Variants in SCN3A observed in about 807,000 individuals in gnomAD.
SCN3A encodes the protein sodium voltage-gated channel alpha subunit 3, also known as sodium channel protein type 3 subunit alpha.
Under a neutral mutation model 187.6 loss-of-function variants are expected in SCN3A, and 60 were observed. The observed-to-expected ratio is 0.32, with a 90% CI of 0.26 to 0.40. The LOEUF (loss-of-function observed/expected upper bound fraction) is 0.40. Ranked by LOEUF, SCN3A falls within the 10% of genes least tolerant of loss-of-function variation. The pLI, the probability that SCN3A is intolerant of heterozygous loss-of-function variation, is 1.00. For missense variants in SCN3A, 1,601 were observed against 2,428.2 expected, an observed-to-expected ratio of 0.66 and a Z score of 7.16; for synonymous variants, 788 against 829.2, an observed-to-expected ratio of 0.95 and a Z score of 0.85.
intron 3 of SCN3A, among the ~76,000 whole-genome samples, chr2:165,175,688 G>A (rs776067639): frequency 6.6e-6 from 1 of 152,014 alleles, no homozygotes; most frequent in African/African-American, 2.4e-5. Flanking sequence ...ATGCTAAGCA[G>A]ATTATTTATT....
At chr2:165,156,939 C>T (rs189377220) in intron 9 of SCN3A, among the ~76,000 whole-genome samples, 107 of 151,878 alleles carry the variant, frequency 7.0e-4, no homozygotes, top group African/African-American at 2.4e-3. Context: ...GAGATGTAGT[C>T]TCGTTCTGTC....
rs773151991 is a variant in SCN3A at position 165,162,678 on chromosome 2, G to C, written c.845C>G (p.Pro282Arg). 7 of 1,614,138 alleles carry C rather than the reference G, an allele frequency of 4.3e-6. No individual in the cohort carries two copies. The highest frequency in any genetic ancestry group is 5.9e-6 in the Non-Finnish European group (7 of 1,180,004). The change falls in exon 8 of 28, where the codon CCA becomes CGA. Residue 282 changes from proline to arginine, a missense_variant. Pro to Arg is a moderately radical substitution (Grantham distance 103). Around this residue, in one of 11 missense-constraint regions of SCN3A, gnomAD observed 104 missense variants for 102.7 expected, o/e 1.01. Coordinates refer to ENST00000283254, the MANE Select transcript of SCN3A (RefSeq NM_006922.4). ...NLRNKCLQWP[P>R]SDSAFETNTT... ...GTTGGTTTCAAAAGCAGAATCGCTT[G>C]GGGGCCACTGCAAACATTTATTCCT...
At position 165,185,916 on chromosome 2, in the gene SCN3A, T is replaced by C. The variant is rs901708430; in HGVS notation, c.-51+635A>G. Among the ~76,000 whole-genome samples the C allele has an allele frequency of 3.9e-5, 6 of 152,040 alleles. No homozygotes were observed. The East Asian group carries it at 1.2e-3, about 29-fold the overall frequency. Reference sequence around the variant, plus strand: ...TAAATATAATAAAATTTAAAGTAAATACAGTCCAGGGTAATTTACTAAATA... The same window carrying C: ...TAAATATAATAAAATTTAAAGTAAACACAGTCCAGGGTAATTTACTAAATA... On this transcript the variant is annotated intron_variant, in intron 2 of 27. Coordinates refer to ENST00000283254, the MANE Select transcript of SCN3A (RefSeq NM_006922.4).
At chr2:165,182,781 C>T (rs1454518864) in intron 2 of SCN3A, among the ~76,000 whole-genome samples, 1 of 152,016 alleles carries the variant, frequency 6.6e-6, no homozygotes, top group Non-Finnish European at 1.5e-5. Flanking sequence ...ATCTGAGACT[C>T]AGAAAGCTGT....
intron 15 of SCN3A, among the ~76,000 whole-genome samples, chr2:165,133,480 G>A (rs535636245): frequency 1.3e-4 from 20 of 151,920 alleles, no homozygotes; most frequent in Admixed American, 3.9e-4. Context: ...TGGGATTACA[G>A]GCATGGGCTA....
rs1356143750 is a variant in SCN3A at position 165,126,616 on chromosome 2, A to ATTCC, written c.3393+1011_3393+1014dup. Among the ~76,000 whole-genome samples, 173 of 75,756 alleles carry ATTCC rather than the reference A, an allele frequency of 2.3e-3. 4 individuals are homozygous for ATTCC. Among genetic ancestry groups the ATTCC allele is most frequent in the Non-Finnish European group, 4.9e-4 (20 of 40,746 alleles). The allele number at this position is 75,756 out of a possible 152,430, so 49.7% of individuals were successfully genotyped here. The stretch of plus-strand genomic sequence containing the variant: ...CCTCCCTTCGTTCCTTCCTTCCTTC[A>ATTCC]TTCCTTCCGTCCTTCCTCCCTCTTC... On this transcript the variant is annotated intron_variant, in intron 18 of 27. Transcript: ENST00000283254.
intron 15 of SCN3A, among the ~76,000 whole-genome samples, chr2:165,134,631 C>T (rs1276677211): frequency 6.6e-6 from 1 of 151,910 alleles, no homozygotes; most frequent in African/African-American, 2.4e-5. Flanking sequence ...TGGTGAAATG[C>T]CCATTGAAAA....
intron 12 of SCN3A, among the ~76,000 whole-genome samples, chr2:165,144,673 C>T (rs10930152): frequency 0.21 from 32,391 of 152,044 alleles, 3,442 homozygotes; most frequent in East Asian, 0.31. Flanking sequence ...CCAATTATGG[C>T]TCCTGTTCCT....
intron 9 of SCN3A, among the ~76,000 whole-genome samples, chr2:165,159,269 T>C (rs1689224519): frequency 7.2e-6 from 1 of 138,450 alleles, no homozygotes; most frequent in Non-Finnish European, 1.5e-5. Flanking sequence ...TTCAGATCTT[T>C]TGCCAGTTTT....
chr2:165,165,687 C>A (rs1689712667), intron 5 of SCN3A, among the ~76,000 whole-genome samples: 1 of 152,104 alleles, frequency 6.6e-6, no homozygotes, highest in South Asian at 2.1e-4. Context: ...TTGATTTACT[C>A]ATATTAAATT....
In SCN3A at chr2:165,101,292, A is replaced by T. The variant is rs551835998; in HGVS notation, c.3844-868T>A. On this transcript the variant is annotated intron_variant, in intron 21 of 27. Coordinates refer to ENST00000283254, the MANE Select transcript of SCN3A (RefSeq NM_006922.4). ...ATACTAAATTTTACTTAAATATATG[A>T]AAGATCAAAGAAGACATGTCCTTTT... Among the ~76,000 whole-genome samples the T allele has an allele frequency of 3.9e-5, 6 of 152,326 alleles. No homozygotes were observed. The South Asian group carries it at 1.2e-3, about 32-fold the overall frequency.
At position 165,138,058 on chromosome 2, in the gene SCN3A, A is replaced by G. The variant is rs1477959639; in HGVS notation, c.2212T>C (p.Leu738=). Residue 738 remains leucine (L), a synonymous_variant, in exon 15 of 28, where the codon TTG becomes CTG. Coordinates refer to ENST00000283254, the MANE Select transcript of SCN3A (RefSeq NM_006922.4). ...CATGCATCACAGCAGTCCCAGATCA[A>G]GAACACATTGGCAAATCTATACCAG... ...PCWYRFANVF[L]IWDCCDAWLK... is the part of the protein sequence containing the mutation. 7 of 1,613,698 alleles carry G rather than the reference A, an allele frequency of 4.3e-6. No homozygotes were observed. Among genetic ancestry groups the G allele is most frequent in the Non-Finnish European group, 5.9e-6 (7 of 1,179,666 alleles).
intron 1 of SCN3A, among the ~76,000 whole-genome samples, chr2:165,203,470 A>T (rs1053633253): frequency 1.3e-5 from 2 of 152,054 alleles, no homozygotes; most frequent in Admixed American, 1.3e-4. Context: ...AAAATACTGG[A>T]CACACTGGGC....
chr2:165,180,737 G>A (rs903208234), intron 2 of SCN3A, among the ~76,000 whole-genome samples: 5 of 152,136 alleles, frequency 3.3e-5, no homozygotes, highest in Non-Finnish European at 5.9e-5. Context: ...TGAGGACCCT[G>A]TACTACACAC....
At chr2:165,192,800 C>T (rs541257142) in intron 1 of SCN3A, among the ~76,000 whole-genome samples, 1 of 152,072 alleles carries the variant, frequency 6.6e-6, no homozygotes, top group Admixed American at 6.6e-5. Flanking sequence ...ATTGCTTCTA[C>T]ATTTATTATT....
At chr2:165,187,136 G>A (rs1007624834) in intron 1 of SCN3A, among the ~76,000 whole-genome samples, 7 of 152,114 alleles carry the variant, frequency 4.6e-5, no homozygotes, top group Admixed American at 4.6e-4. Flanking sequence ...AAAGACCAAA[G>A]AGGTAGACTA....
At position 165,092,616 on chromosome 2, in the gene SCN3A, G is replaced by A; in HGVS notation, c.4537-92C>T. Reference sequence around the variant, plus strand: ...GTAGATAAAGCCCTTCCACATACGGGATGGATGTGCACCCTCCTCATATTA... The same window carrying A: ...GTAGATAAAGCCCTTCCACATACGGAATGGATGTGCACCCTCCTCATATTA... On this transcript the variant is annotated intron_variant, in intron 26 of 27. Coordinates refer to ENST00000283254, the MANE Select transcript of SCN3A (RefSeq NM_006922.4). This position sits in a 1 kb window ranked among gnomAD's most constrained non-coding sequence, Gnocchi z 4.2. The A allele has an allele frequency of 1.7e-6, 2 of 1,170,640 alleles. No homozygotes were observed. Among genetic ancestry groups the A allele is most frequent in the Non-Finnish European group, 1.3e-6 (1 of 795,592 alleles). 72.5% of individuals were successfully genotyped at this position (1,170,640 alleles called of 1,614,324 possible).
intron 11 of SCN3A, among the ~76,000 whole-genome samples, chr2:165,151,264 T>C (rs578191292): frequency 6.6e-6 from 1 of 152,320 alleles, no homozygotes; most frequent in Non-Finnish European, 1.5e-5. Context: ...TTGTTGTGCA[T>C]CTTCAAAGTA....
At chr2:165,146,376 ATATATATGTGTGTGTG>A (rs1688321975) in intron 12 of SCN3A, among the ~76,000 whole-genome samples, 1 of 120,796 alleles carries the variant, frequency 8.3e-6, no homozygotes, top group African/African-American at 3.5e-5. Context: ...GGTTATATAT[ATATATATGTGTGTGTG>A]TGTGTGTGTG....
Sources: allele counts gnomAD v4.1 joint callset (sites outside exome capture counted in the v4.1 genomes callset), GRCh38; gene constraint gnomAD v4.1.1; regional missense constraint gnomAD v4.1.1; non-coding constraint Gnocchi (gnomAD v3.1); transcripts MANE v1.5; gene names NCBI Gene and HGNC (gene_info 2026-07-23, HGNC 2026-07-21).